The following SPO11 variants were observed in gnomAD, a reference collection of about 807,000 sequenced individuals.
The protein encoded by SPO11 is SPO11 initiator of meiotic double strand breaks.
A neutral mutation model predicts 51.6 loss-of-function variants in SPO11; 49 were observed. The ratio of observed to expected loss-of-function variants is 0.95; its 90% CI spans 0.75 to 1.20. The LOEUF (loss-of-function observed/expected upper bound fraction) is 1.20, where lower values mean the gene tolerates loss of function less well. SPO11 is among the 50% of genes most tolerant of loss of function. SPO11 has a pLI of 0.00. For missense variants in SPO11, 431 were observed against 473.4 expected (o/e 0.91, Z 0.83); for synonymous variants, 176 against 158.2 (o/e 1.11, Z -0.84).
In SPO11 at chr20:57,340,150, C is replaced by G. The variant is rs1308816687; in HGVS notation, c.931C>G (p.Leu311Val). The change falls in exon 11 of 13, where the codon CTT (leucine) becomes GTT (valine). Residue 311 changes from leucine (L) to valine (V), a missense_variant. Leu to Val is a conservative substitution (Grantham distance 32). This residue lies in a region of SPO11 where 405 missense variants were observed against 425.9 expected (regional missense o/e 0.95). Coordinates refer to ENST00000371263, the MANE Select transcript of SPO11 (RefSeq NM_012444.3). Reference protein sequence around the residue: ...HHLTVPAIRWLGLLPSDLKRL... With the variant: ...HHLTVPAIRWVGLLPSDLKRL... ...TCTCACAGTTCCAGCTATTAGATGG[C>G]TTGGTCTTCTCCCTTCTGATCTTAA... The G allele has an allele frequency of 3.1e-6, 5 of 1,611,596 alleles. No individual in the cohort carries two copies. Among genetic ancestry groups the G allele is most frequent in the Non-Finnish European group, 4.2e-6 (5 of 1,177,788 alleles).
At chr20:57,335,958 G>T in intron 8 of SPO11, 51 bp downstream of exon 8, 1 of 1,032,688 alleles carries the variant, frequency 9.7e-7, no homozygotes, top group Non-Finnish European at 1.5e-6. Context: ...TACTGTTATG[G>T]TGATTGGTAA....
At chr20:57,338,957 G>A (rs768124093) in intron 9 of SPO11, 32 bp from the exon 10 acceptor site, 1 of 1,376,570 alleles carries the variant, frequency 7.3e-7, no homozygotes, top group South Asian at 1.3e-5. Flanking sequence ...TATGTAAGGA[G>A]ACTAATTTTA....
chr20:57,342,873 G>C, intron 12 of SPO11, 33 bp downstream of exon 12: 1 of 1,475,864 alleles, frequency 6.8e-7, no homozygotes, highest in Non-Finnish European at 9.4e-7. Context: ...AGTGTTGCAT[G>C]TTTAATTGTC....
rs2066599309 is a variant in SPO11, at chr20:57,342,806, C to T, written c.1037C>T (p.Pro346Leu). 2 of 1,612,980 alleles carry T rather than the reference C, an allele frequency of 1.2e-6. No homozygotes were observed. Among genetic ancestry groups the T allele is most frequent in the Non-Finnish European group, 1.7e-6 (2 of 1,179,420 alleles). The change falls in exon 12 of 13, where the codon CCT becomes CTT. Residue 346 changes from proline (P) to leucine (L), a missense_variant. This residue lies in a region of SPO11 where 405 missense variants were observed against 425.9 expected (regional missense o/e 0.95). Transcript: ENST00000371263. ...QMKLDSILRR[P>L]YVTCQPFWRK... ...AAACTTGACAGTATCCTGAGGAGAC[C>T]TTATGTTACCTGCCAACCATTTTGG...
At chr20:57,340,483 C>T (rs574834421) in intron 11 of SPO11, among the ~76,000 whole-genome samples, 12 of 152,240 alleles carry the variant, frequency 7.9e-5, no homozygotes, top group African/African-American at 2.4e-4. Context: ...CATTGTAGGC[C>T]GGGCACATGG....
At chr20:57,332,149 CA>C (rs1193515515) in intron 2 of SPO11, among the ~76,000 whole-genome samples, 1 of 152,048 alleles carries the variant, frequency 6.6e-6, no homozygotes, top group Admixed American at 6.6e-5. Flanking sequence ...CAAAGGAAAA[CA>C]ATGCTAGCAC....
chr20:57,336,786 G>A (rs943171069), intron 8 of SPO11, among the ~76,000 whole-genome samples: 5 of 152,108 alleles, frequency 3.3e-5, no homozygotes, highest in Admixed American at 1.3e-4. Flanking sequence ...AAATACTCAC[G>A]ATGAGCTAGG....
chr20:57,335,180 G>T (rs2066496841), intron 6 of SPO11, among the ~76,000 whole-genome samples: 1 of 152,112 alleles, frequency 6.6e-6, no homozygotes, highest in Admixed American at 6.5e-5. Context: ...TATTTGCTGG[G>T]CTTTGATACA....
At chr20:57,341,740 A>T (rs1481601347) in intron 11 of SPO11, among the ~76,000 whole-genome samples, 2 of 152,212 alleles carry the variant, frequency 1.3e-5, no homozygotes, top group African/African-American at 4.8e-5. Flanking sequence ...CTTGGGGGTG[A>T]TCTGTTTGTA....
rs1235421609 is a variant in SPO11 at position 57,329,995 on chromosome 20, C to T, written c.128C>T (p.Ser43Phe). 1 of 1,596,720 alleles carries T rather than the reference C, an allele frequency of 6.3e-7. No individual in the cohort carries two copies. The highest frequency in any genetic ancestry group is 8.5e-7 in the Non-Finnish European group (1 of 1,173,618). ...CCAACTGGGGGAAGCCGCCTGGCCT[C>T]CAGGTACAGGAGCTGGTGCCGAGGC... Reference protein sequence around the residue: ...EPPTGGSRLASSSEVLASIEN... With the variant: ...EPPTGGSRLAFSSEVLASIEN... The change falls in exon 1 of 13, where the codon TCC becomes TTC. Residue 43 changes from serine (S) to phenylalanine (F), a missense_variant. This residue lies in a region of SPO11 where 405 missense variants were observed against 425.9 expected (regional missense o/e 0.95). Coordinates refer to ENST00000371263, the MANE Select transcript of SPO11 (RefSeq NM_012444.3).
chr20:57,334,718 C>G (rs1412324258), intron 5 of SPO11, 32 bp from the exon 6 acceptor site: 1 of 1,536,646 alleles, frequency 6.5e-7, no homozygotes, highest in Non-Finnish European at 9.0e-7. Flanking sequence ...ATTCGTGAAG[C>G]AGGTTTCAAA....
At chr20:57,333,009 T>C (rs905136316) in intron 2 of SPO11, among the ~76,000 whole-genome samples, 179 bp from the exon 3 acceptor site, 2 of 152,206 alleles carry the variant, frequency 1.3e-5, no homozygotes. Context: ...CAAACCTAAT[T>C]TCCTAGTTAT....
rs987130873 is a variant in SPO11, at chr20:57,329,896, C to T, written c.29C>T (p.Ala10Val). Residue 10 changes from alanine (A) to valine (V), a missense_variant, in exon 1 of 13, where the codon GCC (alanine) becomes GTC (valine). Physicochemically the swap from Ala to Val is moderately conservative, Grantham distance 64 (BLOSUM62 0). Around this residue, in one of 3 missense-constraint regions of SPO11, gnomAD observed 405 missense variants for 425.9 expected, o/e 0.95. Transcript: ENST00000371263. MAFAPMGPEASFFDVLDRHR... is the reference protein window; with the variant it reads MAFAPMGPEVSFFDVLDRHR... ...GCCTTTGCACCTATGGGGCCCGAGG[C>T]CTCGTTCTTCGACGTTTTGGACCGA... 5.0e-6 allele frequency: 8 copies of T among 1,613,852 alleles called. No homozygotes were observed. The highest frequency in any genetic ancestry group is 6.8e-6 in the Non-Finnish European group (8 of 1,179,896).
chr20:57,338,430 G>T, intron 9 of SPO11, 55 bp downstream of exon 9: 5 of 1,247,740 alleles, frequency 4.0e-6, no homozygotes, highest in South Asian at 1.3e-5. Context: ...CATATTTGTT[G>T]TTGTGTTTTC....
chr20:57,335,471 G>A lies in SPO11; in HGVS notation c.634+16G>A, dbSNP rs761869741. ...GGAATTCGGAGTATCCTTTAAGTGG[G>A]AAAACTATTTAAACTTTTGGAATGT... On this transcript the variant is annotated intron_variant, in intron 7 of 12. Transcript: ENST00000371263. 1.9e-6 allele frequency: 3 copies of A among 1,606,560 alleles called. No individual in the cohort carries two copies. Among genetic ancestry groups the A allele is most frequent in the Admixed American group, 1.7e-5 (1 of 58,876 alleles).
chr20:57,333,310 G>T (rs6128002), intron 3 of SPO11, 34 bp downstream of exon 3: 1 of 1,484,604 alleles, frequency 6.7e-7, no homozygotes, highest in South Asian at 1.2e-5. Flanking sequence ...TGGTAATAAA[G>T]GATAAATAAA....
chr20:57,331,795 A>T, intron 1 of SPO11, 38 bp from the exon 2 acceptor site: 1 of 1,213,164 alleles, frequency 8.2e-7, no homozygotes, highest in Non-Finnish European at 1.1e-6. Flanking sequence ...GTCAAAATTT[A>T]TGATTAAGAT....
At chr20:57,338,930 T>G in intron 9 of SPO11, 59 bp from the exon 10 acceptor site, 4 of 1,094,630 alleles carry the variant, frequency 3.7e-6, no homozygotes, top group Non-Finnish European at 5.3e-6. Flanking sequence ...AATTTGAGAG[T>G]GCAAATTAAC....
At chr20:57,332,135 G>A (rs2066457780) in intron 2 of SPO11, among the ~76,000 whole-genome samples, 189 bp downstream of exon 2, 1 of 152,170 alleles carries the variant, frequency 6.6e-6, no homozygotes, top group Non-Finnish European at 1.5e-5. Flanking sequence ...TGTGAAAGAT[G>A]AGGCAAAGGA....
Sources: gnomAD v4.1 joint callset for allele counts (sites outside exome capture counted in the v4.1 genomes callset) on GRCh38, gnomAD v4.1.1 for gene constraint, gnomAD v4.1.1 regional missense constraint, MANE v1.5 for transcripts, NCBI Gene and HGNC (gene_info 2026-07-23, HGNC 2026-07-21) for gene names.